Variants in CCNY observed in about 807,000 individuals in gnomAD.
CCNY encodes the protein cyclin-Y.
A neutral mutation model predicts 42.8 loss-of-function variants in CCNY; 19 were observed. The observed-to-expected ratio is 0.44, with a 90% CI of 0.31 to 0.65. CCNY has a LOEUF of 0.65. Among genes scored for constraint, CCNY ranks in the 30% least tolerant of loss-of-function variants. CCNY has a pLI of 0.07. For synonymous variants in CCNY, 165 were observed against 162.7 expected (o/e 1.01, Z -0.11); for missense variants, 370 against 437.3 (o/e 0.85, Z 1.37).
At chr10:35,336,246 C>G (rs1486690601), upstream of CCNY, 1 of 151,880 alleles carries the variant, frequency 6.6e-6, no homozygotes, top group Non-Finnish European at 1.5e-5. Context: ...GGCCCCGTTC[C>G]GTCCAGCCCG....
At chr10:35,280,025 A>G (rs1228458153) in intron 3 of CCNY, among the ~76,000 whole-genome samples, 1 of 152,012 alleles carries the variant, frequency 6.6e-6, no homozygotes, top group African/African-American at 2.4e-5. Flanking sequence ...ATTTCATAAA[A>G]ACTGCTATTG....
intron 1 of CCNY, among the ~76,000 whole-genome samples, chr10:35,393,191 G>A (rs1454317362): frequency 6.6e-6 from 1 of 152,054 alleles, no homozygotes; most frequent in Non-Finnish European, 1.5e-5. Context: ...TTTAATAAGC[G>A]TCAGAGTAAT....
In CCNY at chr10:35,337,143, G is replaced by A; in HGVS notation, c.90G>A (p.Thr30=). 3 of 1,586,418 alleles carry A rather than the reference G, an allele frequency of 1.9e-6. No homozygotes were observed. The highest frequency in any genetic ancestry group is 2.7e-5 in the African/African-American group (2 of 72,920). ...HSRLESYRPD[T]DLSREDTGCN... Reference sequence around the variant, plus strand: ...GGCTGGAGTCCTACCGGCCAGACACGGACCTGAGCCGCGAGGACACGGGCT... The same window carrying A: ...GGCTGGAGTCCTACCGGCCAGACACAGACCTGAGCCGCGAGGACACGGGCT... Residue 30 remains threonine, a synonymous_variant, in exon 1 of 10, where the codon ACG becomes ACA. Transcript: ENST00000374704.
At chr10:35,420,873 T>A (rs1243134510) in intron 1 of CCNY, among the ~76,000 whole-genome samples, 1 of 152,228 alleles carries the variant, frequency 6.6e-6, no homozygotes. Flanking sequence ...AAAATCTTAT[T>A]TGAACTCTGT....
At chr10:35,536,086 A>G (rs1487463494) in intron 7 of CCNY, among the ~76,000 whole-genome samples, 4 of 152,240 alleles carry the variant, frequency 2.6e-5, no homozygotes, top group East Asian at 1.9e-4. Flanking sequence ...TGTATGTCTC[A>G]TAACTCCCAT....
At chr10:35,358,098 A>C (rs1394547373) in intron 1 of CCNY, among the ~76,000 whole-genome samples, 1 of 152,040 alleles carries the variant, frequency 6.6e-6, no homozygotes, top group Non-Finnish European at 1.5e-5. Context: ...TGGAAAATGC[A>C]CTTTTTTGCT....
chr10:35,327,401 G>A (rs1446168951), intron 3 of CCNY, among the ~76,000 whole-genome samples: 1 of 152,098 alleles, frequency 6.6e-6, no homozygotes, highest in East Asian at 1.9e-4. Context: ...TATCATTCAT[G>A]GGCATTTAGG....
At chr10:35,269,600 C>T (rs527415954) in intron 3 of CCNY, among the ~76,000 whole-genome samples, 1 of 150,850 alleles carries the variant, frequency 6.6e-6, no homozygotes, top group African/African-American at 2.4e-5. Flanking sequence ...CCGCTGTGCC[C>T]AGCCAAGTTC....
At chr10:35,254,017 G>A (rs1184719390) in intron 3 of CCNY, among the ~76,000 whole-genome samples, 13 of 149,772 alleles carry the variant, frequency 8.7e-5, no homozygotes, top group Non-Finnish European at 1.2e-4. Context: ...CTGGGACTAC[G>A]GGCGCCCGCC....
At position 35,569,071 on chromosome 10, in the gene CCNY, C is replaced by T. The variant is rs777054497; in HGVS notation, c.927C>T (p.Cys309=). ...AHKLEAISRL[C]EDKYKDLRRS... Reference sequence around the variant, plus strand: ...CCCCTCAGGCCATCTCTCGCCTCTGCGAGGACAAGTACAAGGACCTAAGAA... The same window carrying T: ...CCCCTCAGGCCATCTCTCGCCTCTGTGAGGACAAGTACAAGGACCTAAGAA... Residue 309 remains cysteine, a synonymous_variant, in exon 10 of 10, where the codon TGC becomes TGT. Transcript: ENST00000374704. 32 of 1,611,918 alleles carry T rather than the reference C, an allele frequency of 2.0e-5. No individual in the cohort carries two copies. The highest frequency in any genetic ancestry group is 1.5e-4 in the South Asian group (14 of 91,048).
At chr10:35,323,324 T>C (rs1270485931) in intron 3 of CCNY, among the ~76,000 whole-genome samples, 2 of 152,308 alleles carry the variant, frequency 1.3e-5, no homozygotes, top group East Asian at 3.9e-4. Context: ...ACACAAAAAC[T>C]TGTACATAGA....
intron 1 of CCNY, among the ~76,000 whole-genome samples, chr10:35,364,691 T>G (rs1836771715): frequency 6.6e-6 from 1 of 152,236 alleles, no homozygotes; most frequent in African/African-American, 2.4e-5. Flanking sequence ...GAATTGTGTT[T>G]TTATACTTCA....
At chr10:35,324,889 A>G (rs1296485432) in intron 3 of CCNY, among the ~76,000 whole-genome samples, 1 of 152,240 alleles carries the variant, frequency 6.6e-6, no homozygotes, top group Non-Finnish European at 1.5e-5. Context: ...TTCTCTGAAT[A>G]ATAGTTATTT....
intron 3 of CCNY, among the ~76,000 whole-genome samples, chr10:35,326,161 T>G (rs899989735): frequency 1.3e-5 from 2 of 152,174 alleles, no homozygotes; most frequent in African/African-American, 4.8e-5. Context: ...TTTTTGTTTT[T>G]TTTTTGAGAC....
chr10:35,309,822 CAG>C (rs1187529439), intron 3 of CCNY, among the ~76,000 whole-genome samples: 7 of 149,990 alleles, frequency 4.7e-5, no homozygotes, highest in African/African-American at 7.6e-5. Context: ...TATTTAGAGA[CAG>C]AGTCTCGCTC....
chr10:35,482,485 C>T (rs895715239), intron 1 of CCNY, among the ~76,000 whole-genome samples: 3 of 152,062 alleles, frequency 2.0e-5, no homozygotes, highest in Non-Finnish European at 4.4e-5. Context: ...TCTGTGATGG[C>T]ATTCTAAGTT....
chr10:35,494,226 A>C, intron 2 of CCNY, among the ~76,000 whole-genome samples: 1 of 99,616 alleles, frequency 1.0e-5, no homozygotes, highest in Non-Finnish European at 2.2e-5. Context: ...CCTGGACAGC[A>C]TAGTGAGACC....
chr10:35,290,222 TCACACACA>T (rs368209050), intron 3 of CCNY, among the ~76,000 whole-genome samples: 28 of 122,962 alleles, frequency 2.3e-4, no homozygotes, highest in South Asian at 1.2e-3. Flanking sequence ...CAAGACTCCA[TCACACACA>T]CACACACACA....
intron 3 of CCNY, among the ~76,000 whole-genome samples, chr10:35,290,943 T>G (rs557111896): frequency 9.2e-5 from 14 of 152,086 alleles, no homozygotes; most frequent in Non-Finnish European, 1.8e-4. Context: ...CACACAATAA[T>G]CTACTTTCTA....
Sources: gnomAD v4.1 joint callset for allele counts (sites outside exome capture counted in the v4.1 genomes callset) on GRCh38, gnomAD v4.1.1 for gene constraint, MANE v1.5 for transcripts, NCBI Gene and HGNC (gene_info 2026-07-23, HGNC 2026-07-21) for gene names.